Variants in SLC7A11 observed in about 807,000 individuals in gnomAD.
The protein encoded by SLC7A11 is solute carrier family 7 member 11.
A neutral mutation model predicts 54.5 loss-of-function variants in SLC7A11; 35 were observed. That is an observed-to-expected ratio of 0.64 (90% CI 0.49 to 0.85). SLC7A11 has a LOEUF of 0.85. Ranked by LOEUF, SLC7A11 falls within the 40% of genes least tolerant of loss-of-function variation. The probability of loss-of-function intolerance (pLI) is 0.00; values close to 1 mark genes in which losing one functional copy is unlikely to be tolerated. For missense variants in SLC7A11, 583 were observed against 618.1 expected (o/e 0.94, Z 0.60); for synonymous variants, 230 against 225.2 (o/e 1.02, Z -0.19).
intron 6 of SLC7A11, among the ~76,000 whole-genome samples, chr4:138,203,936 T>G (rs567440500): frequency 1.3e-5 from 2 of 152,224 alleles, no homozygotes; most frequent in South Asian, 4.1e-4. Context: ...TATCTTGATT[T>G]TGACTCCTCT....
chr4:138,208,673 TG>T (rs1737469338), intron 6 of SLC7A11, among the ~76,000 whole-genome samples: 1 of 152,042 alleles, frequency 6.6e-6, no homozygotes, highest in African/African-American at 2.4e-5. Context: ...AGTTATTCCT[TG>T]GGATTCTATC....
intron 3 of SLC7A11, among the ~76,000 whole-genome samples, chr4:138,225,165 TATATATAA>T (rs1418502360): frequency 2.8e-5 from 4 of 142,210 alleles, no homozygotes; most frequent in Non-Finnish European, 4.6e-5. Context: ...TATATATATA[TATATATAA>T]ATAAAATCAT....
intron 6 of SLC7A11, among the ~76,000 whole-genome samples, chr4:138,188,219 T>C (rs1736922864): frequency 6.6e-6 from 1 of 152,256 alleles, no homozygotes; most frequent in East Asian, 1.9e-4. Context: ...CCCATCACTA[T>C]ACCCAGCTAA....
rs1345165279 is a variant in SLC7A11, at chr4:138,239,777, C to T, written c.277+2016G>A. 3.3e-5 allele frequency among the ~76,000 whole-genome samples: 5 copies of T among 152,180 alleles called. No individual in the cohort carries two copies. In the East Asian group the frequency reaches 7.7e-4, roughly 23 times the overall value. On this transcript the variant is annotated intron_variant, in intron 1 of 11. Transcript: ENST00000280612. ...CACTTTAACTAGTTCAATACTCATA[C>T]TGATCTATTTTATTACATCTGAATA... is the stretch of plus-strand genomic sequence containing the variant.
Position 138,179,407 on chromosome 4 carries a change from A to C in SLC7A11, c.1267-13T>G. On this transcript the variant is annotated splice_polypyrimidine_tract_variant and intron_variant, in intron 10 of 11. Transcript: ENST00000280612. ...TGAACAGTGGCACCTGGAACACAGA[A>C]CACAAAAAAGTCACTTCAAACATGT... 6.2e-7 allele frequency: 1 copy of C among 1,609,124 alleles called. No homozygotes were observed. Among genetic ancestry groups the C allele is most frequent in the Non-Finnish European group, 8.5e-7 (1 of 1,177,600 alleles).
chr4:138,223,116 C>G, intron 4 of SLC7A11, 83 bp downstream of exon 4: 1 of 1,243,640 alleles, frequency 8.0e-7, no homozygotes, highest in Non-Finnish European at 1.1e-6. Flanking sequence ...ATTAAGGATT[C>G]TGTTAGTACA....
At chr4:138,215,770 T>C (rs1048202914) in intron 5 of SLC7A11, among the ~76,000 whole-genome samples, 3 of 148,968 alleles carry the variant, frequency 2.0e-5, no homozygotes, top group South Asian at 2.1e-4. Flanking sequence ...AAAAAACACA[T>C]GCACACTAAA....
At chr4:138,183,372 G>C (rs1736795107) in intron 7 of SLC7A11, 67 bp from the exon 8 acceptor site, 12 of 1,028,742 alleles carry the variant, frequency 1.2e-5, no homozygotes, top group South Asian at 9.5e-5. Context: ...AAACAATTTA[G>C]GCCAAACTTG....
chr4:138,214,595 T>C lies in SLC7A11; in HGVS notation c.781A>G (p.Asn261Asp). Residue 261 changes from asparagine (N) to aspartate (D), a missense_variant, in exon 6 of 12, where the codon AAC becomes GAC. Coordinates refer to ENST00000280612, the MANE Select transcript of SLC7A11 (RefSeq NM_014331.4). ...YLNFVTEEVE[N>D]PEKTIPLAIC... ...CATCTGGCTACTTACTTTTCAGGGTTTTCTACTTCTTCAGTAACAAAGTTG... is the reference window on the plus strand; with the variant it reads ...CATCTGGCTACTTACTTTTCAGGGTCTTCTACTTCTTCAGTAACAAAGTTG... The C allele has an allele frequency of 6.9e-7, 1 of 1,447,080 alleles. No individual in the cohort carries two copies. Among genetic ancestry groups the C allele is most frequent in the South Asian group, 1.4e-5 (1 of 73,672 alleles). 89.6% of individuals were successfully genotyped at this position (1,447,080 alleles called of 1,614,324 possible). A position where few individuals can be genotyped will look rare whatever the true frequency, so the allele number is the denominator to read the frequency against.
chr4:138,185,083 C>G (rs1224791090), intron 7 of SLC7A11, 38 bp downstream of exon 7: 3 of 1,610,360 alleles, frequency 1.9e-6, no homozygotes, highest in South Asian at 2.2e-5. Context: ...AGCTCATTAA[C>G]CTAAATTCCA....
chr4:138,209,226 A>G lies in SLC7A11; in HGVS notation c.791+5359T>C, dbSNP rs373579105. Among the ~76,000 whole-genome samples, 61 of 152,132 alleles carry G rather than the reference A, an allele frequency of 4.0e-4. 1 individual carries two copies. The highest frequency in any genetic ancestry group is 1.3e-3 in the African/African-American group (56 of 41,540). ...AAAATTTTATTGTCTAGGTGGAGGA[A>G]GACCATAAAGGGTGTTGTATTTTCA... On this transcript the variant is annotated intron_variant, in intron 6 of 11. Coordinates refer to ENST00000280612, the MANE Select transcript of SLC7A11 (RefSeq NM_014331.4).
intron 6 of SLC7A11, among the ~76,000 whole-genome samples, chr4:138,198,128 G>C (rs1318013082): frequency 6.6e-6 from 1 of 151,014 alleles, no homozygotes. Context: ...AGAGTGGGCT[G>C]TAAAAAAGAA....
Position 138,182,316 on chromosome 4 carries a change from A to G in SLC7A11, c.1097T>C (p.Leu366Pro), listed in dbSNP as rs1736761859. The change falls in exon 9 of 12, where the codon CTA (leucine) becomes CCA (proline). Residue 366 changes from leucine (L) to proline (P), a missense_variant. Transcript: ENST00000280612. ...SMIHVRKHTP[L>P]PAVIVLHPLT... Reference sequence around the variant, plus strand: ...CATTACCAAAACAATAACAGCTGGTAGAGGAGTGTGCTTGCGGACATGAAT... The same window carrying G: ...CATTACCAAAACAATAACAGCTGGTGGAGGAGTGTGCTTGCGGACATGAAT... The G allele has an allele frequency of 1.2e-6, 2 of 1,607,992 alleles. No homozygotes were observed. Among genetic ancestry groups the G allele is most frequent in the African/African-American group, 1.3e-5 (1 of 74,712 alleles).
At chr4:138,214,672 C>G (rs1203077473) in intron 5 of SLC7A11, 43 bp from the exon 6 acceptor site, 1 of 726,226 alleles carries the variant, frequency 1.4e-6, no homozygotes, top group Non-Finnish European at 2.1e-6. Context: ...ATATATTTTA[C>G]CATTATCCAA....
intron 3 of SLC7A11, among the ~76,000 whole-genome samples, chr4:138,228,615 A>C (rs1301289324): frequency 6.6e-6 from 1 of 151,610 alleles, no homozygotes; most frequent in Non-Finnish European, 1.5e-5. Context: ...AAAAATTAGC[A>C]GGGCGTGATG....
At chr4:138,230,251 C>G (rs1171954768) in intron 3 of SLC7A11, among the ~76,000 whole-genome samples, 2 of 151,714 alleles carry the variant, frequency 1.3e-5, no homozygotes, top group African/African-American at 4.8e-5. Context: ...AGACACTGGG[C>G]CTGCTTGAGG....
intron 1 of SLC7A11, among the ~76,000 whole-genome samples, chr4:138,239,857 G>A (rs559278254): frequency 3.9e-5 from 6 of 152,196 alleles, no homozygotes; most frequent in African/African-American, 9.6e-5. Flanking sequence ...ATGCACATAA[G>A]TACGCAAAGT....
At chr4:138,231,194 G>A (rs1456171087) in intron 3 of SLC7A11, among the ~76,000 whole-genome samples, 1 of 152,064 alleles carries the variant, frequency 6.6e-6, no homozygotes, top group African/African-American at 2.4e-5. Context: ...AGATGAGAGG[G>A]TAGGAGGAGG....
At chr4:138,237,733 A>AT (rs1738265083) in intron 1 of SLC7A11, among the ~76,000 whole-genome samples, 2 of 11,564 alleles carry the variant, frequency 1.7e-4, no homozygotes, top group Non-Finnish European at 2.7e-4. Flanking sequence ...ATATATATAT[A>AT]TATATTTTTT....
Sources: gnomAD v4.1 joint callset for allele counts (sites outside exome capture counted in the v4.1 genomes callset) on GRCh38, gnomAD v4.1.1 for gene constraint, MANE v1.5 for transcripts, NCBI Gene and HGNC (gene_info 2026-07-23, HGNC 2026-07-21) for gene names.